RNF150: variants seen among roughly 807,000 people sequenced by gnomAD.
RNF150 encodes the protein ring finger protein 150.
Under a neutral mutation model 39.3 loss-of-function variants are expected in RNF150, and 24 were observed. That is an observed-to-expected ratio of 0.61 (90% CI 0.44 to 0.86). RNF150 has a LOEUF of 0.86. RNF150 is among the 40% of genes least tolerant of loss of function. The pLI, the probability that RNF150 is intolerant of heterozygous loss-of-function variation, is 0.00. For missense variants in RNF150, 502 were observed against 587.8 expected (o/e 0.85, Z 1.51); for synonymous variants, 255 against 227.3 (o/e 1.12, Z -1.10).
At chr4:141,111,240 G>A (rs1396703010) in intron 1 of RNF150, among the ~76,000 whole-genome samples, 1 of 152,172 alleles carries the variant, frequency 6.6e-6, no homozygotes, top group African/African-American at 2.4e-5. Context: ...CACCTGCTGG[G>A]ATAACCTTGA....
At chr4:141,097,233 C>G (rs531227219) in intron 1 of RNF150, among the ~76,000 whole-genome samples, 78 of 152,260 alleles carry the variant, frequency 5.1e-4, no homozygotes, top group African/African-American at 1.6e-3. Flanking sequence ...CACCTCCATA[C>G]CACCAGAGCC....
intron 1 of RNF150, among the ~76,000 whole-genome samples, chr4:141,119,031 G>C (rs1177141235): frequency 1.3e-5 from 2 of 152,230 alleles, no homozygotes; most frequent in East Asian, 3.9e-4. Flanking sequence ...AAAGTGCAAG[G>C]ATTACAGACA....
intron 1 of RNF150, among the ~76,000 whole-genome samples, chr4:141,019,758 AAGTTAC>A (rs1482802480): frequency 4.6e-5 from 7 of 152,188 alleles, no homozygotes; most frequent in Non-Finnish European, 1.0e-4. Context: ...ACAGGTATTT[AAGTTAC>A]AGATGTTTCC....
At chr4:140,916,018 G>A (rs1730810863) in intron 5 of RNF150, among the ~76,000 whole-genome samples, 1 of 152,088 alleles carries the variant, frequency 6.6e-6, no homozygotes, top group Non-Finnish European at 1.5e-5. Context: ...CAAACAGAAA[G>A]GACATCCACA....
chr4:140,878,400 G>A (rs1042290575), intron 6 of RNF150, among the ~76,000 whole-genome samples: 1 of 151,882 alleles, frequency 6.6e-6, no homozygotes, highest in Non-Finnish European at 1.5e-5. Context: ...CAACCTCCTG[G>A]TCTCAAGTTG....
At chr4:141,063,718 G>A (rs963927844) in intron 1 of RNF150, among the ~76,000 whole-genome samples, 1 of 152,030 alleles carries the variant, frequency 6.6e-6, no homozygotes, top group African/African-American at 2.4e-5. Flanking sequence ...AACATACTAC[G>A]CACAAATTAT....
At chr4:141,118,824 G>A (rs1242071309) in intron 1 of RNF150, among the ~76,000 whole-genome samples, 2 of 152,070 alleles carry the variant, frequency 1.3e-5, no homozygotes, top group Admixed American at 1.3e-4. Context: ...ACAGTGGCTC[G>A]ATCTCGGCTC....
chr4:140,931,795 CA>C (rs1731648689), intron 4 of RNF150, among the ~76,000 whole-genome samples: 1 of 152,246 alleles, frequency 6.6e-6, no homozygotes, highest in African/African-American at 2.4e-5. Flanking sequence ...ACAGAGGATG[CA>C]GACAACTGCA....
intron 1 of RNF150, among the ~76,000 whole-genome samples, chr4:141,171,640 C>T (rs988033387): frequency 2.0e-5 from 3 of 152,204 alleles, no homozygotes; most frequent in Non-Finnish European, 4.4e-5. Context: ...GCTCCCACTT[C>T]ACTTTCAATT....
intron 1 of RNF150, among the ~76,000 whole-genome samples, chr4:141,101,777 T>A (rs1739020217): frequency 1.3e-5 from 2 of 152,152 alleles, no homozygotes; most frequent in African/African-American, 4.8e-5. Context: ...TCCATTATAA[T>A]CTTTTATTTA....
chr4:141,161,303 G>A (rs1328478194), intron 1 of RNF150, among the ~76,000 whole-genome samples: 1 of 152,092 alleles, frequency 6.6e-6, no homozygotes, highest in Non-Finnish European at 1.5e-5. Context: ...GATGATTTAG[G>A]GTATATGGCA....
intron 1 of RNF150, among the ~76,000 whole-genome samples, chr4:141,043,365 G>A (rs1166683787): frequency 6.6e-6 from 1 of 152,102 alleles, no homozygotes; most frequent in Non-Finnish European, 1.5e-5. Flanking sequence ...AGGGTTTCTG[G>A]AAGGAGTTTC....
chr4:141,212,779 G>T (rs994303626), intron 1 of RNF150: 3 of 152,636 alleles, frequency 2.0e-5, no homozygotes, highest in Admixed American at 6.5e-5. Flanking sequence ...AAGAAAAGAG[G>T]TTTAATTGAC....
intron 1 of RNF150, among the ~76,000 whole-genome samples, chr4:141,154,876 G>T (rs1727357534): frequency 6.6e-6 from 1 of 152,118 alleles, no homozygotes; most frequent in Admixed American, 6.5e-5. Context: ...CCCTAAAGAT[G>T]GGTAGAGGTA....
intron 1 of RNF150, among the ~76,000 whole-genome samples, chr4:141,076,696 A>T (rs1737908967): frequency 6.6e-6 from 1 of 152,052 alleles, no homozygotes; most frequent in South Asian, 2.1e-4. Context: ...TCAAACTGAC[A>T]TAACCAGCCC....
intron 1 of RNF150, among the ~76,000 whole-genome samples, chr4:141,160,459 T>C (rs1257373609): frequency 1.3e-5 from 2 of 152,230 alleles, no homozygotes; most frequent in African/African-American, 4.8e-5. Flanking sequence ...AGTATCATTG[T>C]GAAACTTTAC....
chr4:140,957,751 G>C (rs1732828529), intron 2 of RNF150, among the ~76,000 whole-genome samples: 2 of 151,942 alleles, frequency 1.3e-5, no homozygotes, highest in African/African-American at 4.8e-5. Context: ...TCCTTTGTAG[G>C]GACATGGATG....
intron 4 of RNF150, among the ~76,000 whole-genome samples, chr4:140,946,477 A>AT (rs928570272): frequency 1.3e-4 from 20 of 149,964 alleles, no homozygotes; most frequent in East Asian, 3.9e-4. Context: ...GTCTCTAAGA[A>AT]TTTTTTTTTT....
intron 1 of RNF150, among the ~76,000 whole-genome samples, chr4:141,012,649 G>A (rs1222463100): frequency 6.6e-6 from 1 of 151,772 alleles, no homozygotes; most frequent in Non-Finnish European, 1.5e-5. Flanking sequence ...CGGGAGTGGT[G>A]GCACGTGCCT....
Sources: allele counts gnomAD v4.1 joint callset (sites outside exome capture counted in the v4.1 genomes callset), GRCh38; gene constraint gnomAD v4.1.1; transcripts MANE v1.5; gene names NCBI Gene and HGNC (gene_info 2026-07-23, HGNC 2026-07-21).